UTRN: variants seen among roughly 807,000 people sequenced by gnomAD.
UTRN encodes the protein dystrophin-related protein 1.
Under a neutral mutation model 463.9 loss-of-function variants are expected in UTRN, and 283 were observed. The observed-to-expected ratio is 0.61, with a 90% CI of 0.55 to 0.67. The LOEUF (loss-of-function observed/expected upper bound fraction) is 0.67, where lower values mean the gene tolerates loss of function less well. Among genes scored for constraint, UTRN ranks in the 30% least tolerant of loss-of-function variants. UTRN has a pLI of 0.00. For missense variants in UTRN, 3,922 were observed against 4,084.3 expected, an observed-to-expected ratio of 0.96 and a Z score of 1.08; for synonymous variants, 1,442 against 1,431.5, an observed-to-expected ratio of 1.01 and a Z score of -0.17.
At chr6:144,432,020 A>T (rs1413023926) in intron 9 of UTRN, among the ~76,000 whole-genome samples, 2 of 152,198 alleles carry the variant, frequency 1.3e-5, no homozygotes, top group Admixed American at 6.5e-5. Context: ...GTTTTAGGGT[A>T]CATGTGCACA....
chr6:144,699,481 T>G (rs1385996117), intron 52 of UTRN, among the ~76,000 whole-genome samples: 2 of 127,262 alleles, frequency 1.6e-5, no homozygotes, highest in Non-Finnish European at 3.2e-5. Flanking sequence ...TGGTTTTTTT[T>G]TTTTTTTTTT....
chr6:144,759,197 C>A (rs1230413530), intron 58 of UTRN, among the ~76,000 whole-genome samples: 2 of 151,924 alleles, frequency 1.3e-5, no homozygotes, highest in African/African-American at 4.8e-5. Context: ...GAGTTGTGAA[C>A]TGAGTTGAGA....
At chr6:144,753,312 A>G (rs538050983) in intron 56 of UTRN, among the ~76,000 whole-genome samples, 1 of 152,296 alleles carries the variant, frequency 6.6e-6, no homozygotes, top group African/African-American at 2.4e-5. Context: ...AGAACTAACT[A>G]TAGAATGTGT....
chr6:144,636,601 A>AT (rs1175394571), intron 51 of UTRN, among the ~76,000 whole-genome samples: 3 of 152,212 alleles, frequency 2.0e-5, no homozygotes, highest in Non-Finnish European at 1.5e-5. Flanking sequence ...GATAATGAAG[A>AT]TAACAAAGAA....
intron 51 of UTRN, among the ~76,000 whole-genome samples, chr6:144,611,121 C>G (rs895342638): frequency 6.6e-5 from 10 of 152,060 alleles, no homozygotes; most frequent in Non-Finnish European, 1.5e-4. Context: ...ATGTTCATCG[C>G]GATAAATGCA....
intron 52 of UTRN, among the ~76,000 whole-genome samples, chr6:144,679,875 G>T (rs1397075103): frequency 1.3e-5 from 2 of 152,136 alleles, no homozygotes; most frequent in African/African-American, 4.8e-5. Flanking sequence ...GAGCAATGCA[G>T]CATGGACATG....
chr6:144,783,734 C>T (rs541454186), intron 61 of UTRN, among the ~76,000 whole-genome samples: 2 of 152,136 alleles, frequency 1.3e-5, no homozygotes, highest in African/African-American at 2.4e-5. Flanking sequence ...CCTCCTCTCT[C>T]GATTTTTTTT....
At chr6:144,373,745 CTCTATGTGTTAG>C (rs1780211695) in intron 2 of UTRN, among the ~76,000 whole-genome samples, 1 of 152,194 alleles carries the variant, frequency 6.6e-6, no homozygotes, top group African/African-American at 2.4e-5. Context: ...ATGGTAAGCA[CTCTATGTGTTAG>C]TTATTTCTGC....
chr6:144,338,576 A>G (rs1409152939), intron 2 of UTRN, among the ~76,000 whole-genome samples: 2 of 152,150 alleles, frequency 1.3e-5, no homozygotes, highest in South Asian at 2.1e-4. Context: ...CCATCCTCGC[A>G]TGGGAAACCT....
At chr6:144,341,142 G>A (rs1292614293) in intron 2 of UTRN, among the ~76,000 whole-genome samples, 2 of 152,084 alleles carry the variant, frequency 1.3e-5, no homozygotes, top group Non-Finnish European at 2.9e-5. Context: ...TCAGCTCCAC[G>A]GCAAGAAATA....
chr6:144,743,309 A>G (rs1457932237), intron 54 of UTRN, among the ~76,000 whole-genome samples: 2 of 152,238 alleles, frequency 1.3e-5, no homozygotes, highest in African/African-American at 4.8e-5. Flanking sequence ...CATATGGGAA[A>G]TGTTTATTAA....
At chr6:144,718,626 G>A (rs1786764013) in intron 53 of UTRN, among the ~76,000 whole-genome samples, 1 of 152,246 alleles carries the variant, frequency 6.6e-6, no homozygotes, top group African/African-American at 2.4e-5. Flanking sequence ...GAGTAAGGGT[G>A]TGCCTGTGTG....
chr6:144,349,216 G>T (rs1306363764), intron 2 of UTRN, among the ~76,000 whole-genome samples: 1 of 152,178 alleles, frequency 6.6e-6, no homozygotes, highest in Non-Finnish European at 1.5e-5. Context: ...CCCCGTGTTA[G>T]CCAGGATGGT....
chr6:144,301,625 C>T (rs1453631106), intron 2 of UTRN, among the ~76,000 whole-genome samples: 1 of 149,312 alleles, frequency 6.7e-6, no homozygotes, highest in Non-Finnish European at 1.5e-5. Context: ...CCCTCCGCCT[C>T]CCAGGTTCAA....
intron 63 of UTRN, among the ~76,000 whole-genome samples, chr6:144,794,772 T>C (rs887313837): frequency 3.3e-5 from 5 of 152,220 alleles, no homozygotes; most frequent in East Asian, 3.9e-4. Context: ...TGCTAGCAGA[T>C]TCAGTATCTG....
At chr6:144,314,695 A>G (rs1775170856) in intron 2 of UTRN, among the ~76,000 whole-genome samples, 1 of 152,188 alleles carries the variant, frequency 6.6e-6, no homozygotes, top group Non-Finnish European at 1.5e-5. Flanking sequence ...AAATGTATGA[A>G]TATTTACACT....
intron 2 of UTRN, among the ~76,000 whole-genome samples, chr6:144,366,632 C>G (rs902637581): frequency 1.3e-5 from 2 of 152,122 alleles, no homozygotes; most frequent in African/African-American, 4.8e-5. Context: ...AACACATTTT[C>G]TTTATCCAGT....
intron 46 of UTRN, 78 bp downstream of exon 46, chr6:144,542,948 A>T: frequency 1.6e-6 from 2 of 1,214,920 alleles, no homozygotes; most frequent in Non-Finnish European, 2.3e-6. Context: ...TCATACATGA[A>T]TTAGAAAGAC....
At chr6:144,674,480 T>G (rs2128680711) in intron 51 of UTRN, among the ~76,000 whole-genome samples, 1 of 152,230 alleles carries the variant, frequency 6.6e-6, no homozygotes, top group Non-Finnish European at 1.5e-5. Context: ...GTGTCTTTCA[T>G]TTCCAGAAGT....
Sources: allele counts gnomAD v4.1 joint callset (sites outside exome capture counted in the v4.1 genomes callset), GRCh38; gene constraint gnomAD v4.1.1; transcripts MANE v1.5; gene names NCBI Gene and HGNC (gene_info 2026-07-23, HGNC 2026-07-21).